The following GLS variants were observed in gnomAD, a reference collection of about 807,000 sequenced individuals.
GLS encodes the protein glutaminase.
GLS carries 36 observed loss-of-function variants against 86.7 expected under a neutral mutation model. The ratio of observed to expected loss-of-function variants is 0.42; its 90% CI spans 0.32 to 0.55. The LOEUF (loss-of-function observed/expected upper bound fraction) is 0.55, where lower values mean the gene tolerates loss of function less well. Among genes scored for constraint, GLS ranks in the 20% least tolerant of loss-of-function variants. The probability of loss-of-function intolerance (pLI) is 0.17; values close to 1 mark genes in which losing one functional copy is unlikely to be tolerated. For missense variants in GLS, 528 were observed against 833.4 expected, an observed-to-expected ratio of 0.63 and a Z score of 4.51; for synonymous variants, 317 against 305.9, an observed-to-expected ratio of 1.04 and a Z score of -0.38.
intron 3 of GLS, among the ~76,000 whole-genome samples, chr2:190,898,170 A>G (rs1260801235): frequency 1.3e-5 from 2 of 152,098 alleles, no homozygotes; most frequent in Non-Finnish European, 2.9e-5. Flanking sequence ...GTAGCCTTTC[A>G]TTTGTATGTT....
chr2:190,908,380 T>G (rs1448856127), intron 6 of GLS, among the ~76,000 whole-genome samples: 3 of 152,252 alleles, frequency 2.0e-5, no homozygotes, highest in Non-Finnish European at 4.4e-5. Context: ...GAAAAGCTTC[T>G]TTTGATATAA....
intron 5 of GLS, among the ~76,000 whole-genome samples, chr2:190,904,325 C>T (rs982374342): frequency 7.9e-5 from 12 of 152,054 alleles, no homozygotes; most frequent in Admixed American, 2.0e-4. Flanking sequence ...TCTAAAAGGG[C>T]TAGTTTATTT....
chr2:190,950,217 A>G (rs1355769275), intron 14 of GLS, among the ~76,000 whole-genome samples: 2 of 152,088 alleles, frequency 1.3e-5, no homozygotes, highest in Non-Finnish European at 1.5e-5. Flanking sequence ...TAGAGCTGGA[A>G]AGGGAAGAGT....
Position 190,880,981 on chromosome 2 carries a change from C to T in GLS, c.-104C>T. On this transcript the variant is annotated 5_prime_UTR_variant, in exon 1 of 18. Coordinates refer to ENST00000320717, the MANE Select transcript of GLS (RefSeq NM_014905.5). ...ACCCAAGTAGCTGCCCTTTCCTCTT[C>T]TGTCATCTCACCGCCCCACCACAGA... 1 of 1,314,412 alleles carries T rather than the reference C, an allele frequency of 7.6e-7. No individual in the cohort carries two copies. The highest frequency in any genetic ancestry group is 1.0e-6 in the Non-Finnish European group (1 of 955,628). 81.4% of individuals were successfully genotyped at this position (1,314,412 alleles called of 1,614,324 possible).
At position 190,955,288 on chromosome 2, in the gene GLS, C is replaced by T. The variant is rs1409623059; in HGVS notation, c.1853+470C>T. The stretch of plus-strand genomic sequence containing the variant: ...AATGCGATCCCTCCCTTACCCTGAC[C>T]CCCAAACAGGCCCTGGTGTGTGATG... On this transcript the variant is annotated intron_variant, in intron 17 of 17. Transcript: ENST00000320717. The surrounding 1 kb of genome is among the most constrained non-coding windows in gnomAD (Gnocchi z 5.6). Among the ~76,000 whole-genome samples the T allele has an allele frequency of 6.6e-6, 1 of 152,060 alleles. No individual in the cohort carries two copies. Among genetic ancestry groups the T allele is most frequent in the Non-Finnish European group, 1.5e-5 (1 of 68,018 alleles).
intron 1 of GLS, among the ~76,000 whole-genome samples, chr2:190,884,480 T>G (rs1316567534): frequency 6.6e-6 from 1 of 152,246 alleles, no homozygotes; most frequent in Non-Finnish European, 1.5e-5. Context: ...GAGCATTATA[T>G]TAAAGTCACA....
At position 190,927,278 on chromosome 2, in the gene GLS, T is replaced by C. The variant is rs757927388; in HGVS notation, c.1249-28T>C. The C allele has an allele frequency of 2.6e-6, 4 of 1,544,730 alleles. No homozygotes were observed. In the South Asian group the frequency reaches 4.7e-5, roughly 18 times the overall value. On this transcript the variant is annotated intron_variant, in intron 11 of 17. Transcript: ENST00000320717. Reference sequence around the variant, plus strand: ...GTGAACAGTAATATTAAAAGTAGTATGAGAATTCTGCTTTTTCTTTGTGTT... The same window carrying C: ...GTGAACAGTAATATTAAAAGTAGTACGAGAATTCTGCTTTTTCTTTGTGTT...
In GLS at chr2:190,903,183, G is replaced by A. The variant is rs547552728; in HGVS notation, c.815+1157G>A. The stretch of plus-strand genomic sequence containing the variant: ...CCCCCCAGCCAAAAATCTGTGACTC[G>A]TAAGGACCTTCATTTTAGGTGATTT... On this transcript the variant is annotated intron_variant, in intron 5 of 17. Transcript: ENST00000320717. Among the ~76,000 whole-genome samples, 7 of 152,196 alleles carry A rather than the reference G, an allele frequency of 4.6e-5. No homozygotes were observed. In the East Asian group the frequency reaches 9.6e-4, roughly 21 times the overall value.
At chr2:190,887,785 G>C (rs559670290) in intron 1 of GLS, among the ~76,000 whole-genome samples, 2 of 152,112 alleles carry the variant, frequency 1.3e-5, no homozygotes, top group Non-Finnish European at 2.9e-5. Context: ...GGAGAAAAAC[G>C]CATGTTCAAC....
At chr2:190,952,658 C>G (rs933564560) in intron 14 of GLS, among the ~76,000 whole-genome samples, 8 of 152,126 alleles carry the variant, frequency 5.3e-5, no homozygotes, top group Non-Finnish European at 1.0e-4. Flanking sequence ...CTTTCCATTC[C>G]CCAGTTAAAC....
intron 1 of GLS, among the ~76,000 whole-genome samples, chr2:190,887,168 A>T (rs1559313866): frequency 6.6e-6 from 1 of 152,196 alleles, no homozygotes; most frequent in Non-Finnish European, 1.5e-5. Context: ...AGATGTATTT[A>T]TAAAAATAGT....
intron 3 of GLS, among the ~76,000 whole-genome samples, chr2:190,898,718 G>A (rs1443794464): frequency 3.3e-5 from 5 of 152,030 alleles, no homozygotes; most frequent in South Asian, 2.1e-4. Context: ...CGCAACCTCC[G>A]CCTCCCAGGT....
rs1272587317 is a variant in GLS at position 190,947,224 on chromosome 2, A to G, written c.1651-6341A>G. On this transcript the variant is annotated intron_variant, in intron 14 of 17. Coordinates refer to ENST00000320717, the MANE Select transcript of GLS (RefSeq NM_014905.5). The surrounding 1 kb of genome is among the most constrained non-coding windows in gnomAD (Gnocchi z 5.0). ...TAATGATAGGATTAAAGACTTAGGA[A>G]TGCCATGTTTTAGATGTGTAAAACT... 6.6e-6 allele frequency among the ~76,000 whole-genome samples: 1 copy of G among 152,232 alleles called. No homozygotes were observed. Among genetic ancestry groups the G allele is most frequent in the East Asian group, 1.9e-4 (1 of 5,198 alleles).
chr2:190,943,539 T>C lies in GLS; in HGVS notation c.1651-10026T>C, dbSNP rs1690503363. Among the ~76,000 whole-genome samples, 1 of 152,210 alleles carries C rather than the reference T, an allele frequency of 6.6e-6. No individual in the cohort carries two copies. Among genetic ancestry groups the C allele is most frequent in the African/African-American group, 2.4e-5 (1 of 41,464 alleles). On this transcript the variant is annotated intron_variant, in intron 14 of 17. Coordinates refer to ENST00000320717, the MANE Select transcript of GLS (RefSeq NM_014905.5). The surrounding 1 kb of genome is among the most constrained non-coding windows in gnomAD (Gnocchi z 4.5). ...AAGGAGTTTGGAGCATTGAACTGTA[T>C]GAAAGCATAGATAATTTAGTAAGAT...
chr2:190,921,101 T>C lies in GLS; in HGVS notation c.1072-44T>C, dbSNP rs761517271. 1.3e-6 allele frequency: 2 copies of C among 1,578,302 alleles called. No homozygotes were observed. Among genetic ancestry groups the C allele is most frequent in the South Asian group, 1.1e-5 (1 of 90,248 alleles). On this transcript the variant is annotated intron_variant, in intron 8 of 17. Coordinates refer to ENST00000320717, the MANE Select transcript of GLS (RefSeq NM_014905.5). The surrounding 1 kb of genome is among the most constrained non-coding windows in gnomAD (Gnocchi z 4.2). Reference sequence around the variant, plus strand: ...CAGTTTTCATGCCACATTCTCTATATATTTGTTTTTTGATTACTAATATTC... The same window carrying C: ...CAGTTTTCATGCCACATTCTCTATACATTTGTTTTTTGATTACTAATATTC...
At position 190,921,928 on chromosome 2, in the gene GLS, A is replaced by G. The variant is rs1230374390; in HGVS notation, c.1130+725A>G. 2.6e-5 allele frequency among the ~76,000 whole-genome samples: 4 copies of G among 152,214 alleles called. No homozygotes were observed. Among genetic ancestry groups the G allele is most frequent in the Admixed American group, 1.3e-4 (2 of 15,282 alleles). On this transcript the variant is annotated intron_variant, in intron 9 of 17. Coordinates refer to ENST00000320717, the MANE Select transcript of GLS (RefSeq NM_014905.5). The surrounding 1 kb of genome is among the most constrained non-coding windows in gnomAD (Gnocchi z 4.2). Reference sequence around the variant, plus strand: ...TTCAGGAACAAATCAAGGTTCTTACATTGTATTTATTACGATGTCTGTTTT... The same window carrying G: ...TTCAGGAACAAATCAAGGTTCTTACGTTGTATTTATTACGATGTCTGTTTT...
intron 13 of GLS, among the ~76,000 whole-genome samples, chr2:190,931,296 C>G (rs1489293111): frequency 6.6e-6 from 1 of 152,008 alleles, no homozygotes; most frequent in South Asian, 2.1e-4. Context: ...GTTATAAACC[C>G]TATTTTGTAG....
intron 7 of GLS, among the ~76,000 whole-genome samples, chr2:190,915,584 C>T (rs1198554994): frequency 8.3e-4 from 126 of 152,222 alleles, no homozygotes; most frequent in Non-Finnish European, 1.9e-4. Flanking sequence ...AATAAAGGGG[C>T]ATTGACAGTT....
intron 7 of GLS, among the ~76,000 whole-genome samples, chr2:190,912,762 CT>C (rs1381727980): frequency 6.6e-6 from 1 of 152,154 alleles, no homozygotes. Flanking sequence ...TTGATGACAT[CT>C]TTAATTTTAG....
Sources: allele counts gnomAD v4.1 joint callset (sites outside exome capture counted in the v4.1 genomes callset), GRCh38; gene constraint gnomAD v4.1.1; non-coding constraint Gnocchi (gnomAD v3.1); transcripts MANE v1.5; gene names NCBI Gene and HGNC (gene_info 2026-07-23, HGNC 2026-07-21).